PKIB: variants seen among roughly 807,000 people sequenced by gnomAD.
PKIB encodes the protein cAMP-dependent protein kinase inhibitor beta.
A neutral mutation model predicts 4.5 loss-of-function variants in PKIB; 2 were observed. The observed-to-expected ratio is 0.44, with a 90% CI of 0.18 to 1.39. PKIB has a LOEUF of 1.39. Ranked by LOEUF, PKIB falls within the 40% of genes most tolerant of loss-of-function variation. PKIB has a pLI of 0.27. For synonymous variants in PKIB, 38 were observed against 36.0 expected, an observed-to-expected ratio of 1.06 and a Z score of -0.20; for missense variants, 94 against 92.6, an observed-to-expected ratio of 1.02 and a Z score of -0.06.
At chr6:122,553,284 A>C (rs573976715) in intron 2 of PKIB, among the ~76,000 whole-genome samples, 1 of 152,166 alleles carries the variant, frequency 6.6e-6, no homozygotes, top group East Asian at 1.9e-4. Flanking sequence ...GGTTGGTACA[A>C]AAGTAATTGC....
At chr6:122,479,424 T>C (rs887781449) in intron 2 of PKIB, 2 of 152,124 alleles carry the variant, frequency 1.3e-5, no homozygotes, top group African/African-American at 4.8e-5. Flanking sequence ...GGAAACAACA[T>C]GTAGTATTAT....
chr6:122,670,225 G>T (rs1777400242), intron 2 of PKIB, among the ~76,000 whole-genome samples: 1 of 152,054 alleles, frequency 6.6e-6, no homozygotes, highest in Non-Finnish European at 1.5e-5. Context: ...AAATCCAGTT[G>T]CATGACCTAG....
rs749801378 is a variant in PKIB, at chr6:122,593,963, CCAACA to C, written c.-161+7960_-161+7964del. On this transcript the variant is annotated intron_variant, in intron 3 of 6. Coordinates refer to the PKIB transcript ENST00000392491. Reference sequence around the variant, plus strand: ...CAATCAAGTTGACACTCAGTATTAACCAACACAAGTCCACCCTTTGTCAACCTGAA... The same window carrying C: ...CAATCAAGTTGACACTCAGTATTAACCAAGTCCACCCTTTGTCAACCTGAA... Among the ~76,000 whole-genome samples, 29 of 152,118 alleles carry C rather than the reference CCAACA, an allele frequency of 1.9e-4. 1 individual carries two copies. Among genetic ancestry groups the C allele is most frequent in the Non-Finnish European group, 3.5e-4 (24 of 68,028 alleles).
chr6:122,552,162 A>G (rs944539120), intron 2 of PKIB, among the ~76,000 whole-genome samples: 2 of 152,130 alleles, frequency 1.3e-5, no homozygotes, highest in African/African-American at 4.8e-5. Flanking sequence ...TGTTGGAGAT[A>G]CACCGCAGAA....
At chr6:122,711,257 A>G (rs752215630) in intron 3 of PKIB, among the ~76,000 whole-genome samples, 54 of 152,050 alleles carry the variant, frequency 3.6e-4, no homozygotes, top group African/African-American at 1.3e-3. Context: ...TTTCTTTTTT[A>G]TTTTTATCCC....
At chr6:122,615,144 G>T (rs1760698271) in intron 1 of PKIB, among the ~76,000 whole-genome samples, 1 of 152,092 alleles carries the variant, frequency 6.6e-6, no homozygotes, top group Non-Finnish European at 1.5e-5. Context: ...GGGTGTCTAT[G>T]ATAATTCTGT....
intron 4 of PKIB, among the ~76,000 whole-genome samples, chr6:122,723,371 A>G (rs759009102): frequency 1.3e-5 from 2 of 152,126 alleles, no homozygotes; most frequent in Non-Finnish European, 2.9e-5. Context: ...TAGTCTCCTG[A>G]CAACAGCTCT....
At chr6:122,506,393 C>T (rs539317318) in intron 2 of PKIB, among the ~76,000 whole-genome samples, 2 of 151,986 alleles carry the variant, frequency 1.3e-5, no homozygotes, top group East Asian at 3.9e-4. Context: ...TTTTTAAACC[C>T]GAATATGAGT....
intron 3 of PKIB, among the ~76,000 whole-genome samples, chr6:122,699,252 A>G (rs1778698224): frequency 9.8e-6 from 1 of 102,202 alleles, no homozygotes; most frequent in African/African-American, 3.3e-5. Context: ...AAGTATAATA[A>G]TAAAAAAAAA....
At chr6:122,598,468 C>G (rs1774244791) in intron 3 of PKIB, among the ~76,000 whole-genome samples, 1 of 152,138 alleles carries the variant, frequency 6.6e-6, no homozygotes, top group Non-Finnish European at 1.5e-5. Flanking sequence ...TCAATTATTC[C>G]CATTGTATTT....
At chr6:122,601,024 C>T (rs1774347343) in intron 3 of PKIB, among the ~76,000 whole-genome samples, 2 of 150,616 alleles carry the variant, frequency 1.3e-5, no homozygotes, top group Admixed American at 6.6e-5. Context: ...ATAATGAATG[C>T]ATTGTATAAA....
chr6:122,698,157 G>T (rs1396076889), intron 3 of PKIB, among the ~76,000 whole-genome samples: 2 of 152,158 alleles, frequency 1.3e-5, no homozygotes, highest in Non-Finnish European at 2.9e-5. Flanking sequence ...GCTCTATCAT[G>T]TATAATTGTG....
intron 2 of PKIB, among the ~76,000 whole-genome samples, chr6:122,668,000 A>G (rs1248455217): frequency 6.6e-6 from 1 of 152,086 alleles, no homozygotes; most frequent in Non-Finnish European, 1.5e-5. Flanking sequence ...CACTTAACAT[A>G]TACACACTCT....
chr6:122,549,979 A>G (rs1256960038), intron 2 of PKIB, among the ~76,000 whole-genome samples: 1 of 151,724 alleles, frequency 6.6e-6, no homozygotes, highest in Non-Finnish European at 1.5e-5. Context: ...CAGTGGCACC[A>G]TCTCAGCTCA....
intron 2 of PKIB, among the ~76,000 whole-genome samples, chr6:122,563,432 T>C (rs1773090239): frequency 6.6e-6 from 1 of 152,090 alleles, no homozygotes; most frequent in Non-Finnish European, 1.5e-5. Context: ...ATTTTTGTGC[T>C]GGTTGGCCTA....
chr6:122,596,971 C>G (rs1214216220), intron 3 of PKIB, among the ~76,000 whole-genome samples: 1 of 152,198 alleles, frequency 6.6e-6, no homozygotes, highest in African/African-American at 2.4e-5. Context: ...ATAGACCCAC[C>G]AGGTGTTGTA....
At chr6:122,562,782 A>C (rs892946390) in intron 2 of PKIB, among the ~76,000 whole-genome samples, 2 of 152,082 alleles carry the variant, frequency 1.3e-5, no homozygotes, top group Non-Finnish European at 2.9e-5. Flanking sequence ...ACATTTCTAA[A>C]AGTGTGTCCA....
rs544333542 is a variant in PKIB at position 122,703,282 on chromosome 6, A to C, written c.-8-14505A>C. On this transcript the variant is annotated intron_variant, in intron 3 of 4. Transcript: ENST00000368452. ...GAAAAGAATAATTGAGGGTTTTTTA[A>C]TTTTTTATTTCTTTTAAACTTACAG... is the stretch of plus-strand genomic sequence containing the variant. Among the ~76,000 whole-genome samples, 35 of 152,226 alleles carry C rather than the reference A, an allele frequency of 2.3e-4. No homozygotes were observed. In the South Asian group the frequency reaches 5.4e-3, roughly 23 times the overall value.
At chr6:122,611,182 G>A (rs1206916469) in intron 1 of PKIB, among the ~76,000 whole-genome samples, 1 of 152,204 alleles carries the variant, frequency 6.6e-6, no homozygotes, top group Non-Finnish European at 1.5e-5. Context: ...CTGAGGGAGC[G>A]GAGGGCCTGT....
Sources: gnomAD v4.1 joint callset for allele counts (sites outside exome capture counted in the v4.1 genomes callset) on GRCh38, gnomAD v4.1.1 for gene constraint, MANE v1.5 for transcripts, NCBI Gene and HGNC (gene_info 2026-07-23, HGNC 2026-07-21) for gene names.